The following CLVS1 variants were observed in gnomAD, a reference collection of about 807,000 sequenced individuals.
CLVS1 encodes clavesin-1.
CLVS1 carries 10 observed loss-of-function variants against 33.1 expected under a neutral mutation model. The observed-to-expected ratio is 0.30, with a 90% confidence interval of 0.19 to 0.51. The LOEUF (loss-of-function observed/expected upper bound fraction) is 0.51, where lower values mean the gene tolerates loss of function less well. Among genes scored for constraint, CLVS1 ranks in the 20% least tolerant of loss-of-function variants. The pLI is 0.97. For missense variants in CLVS1, 343 were observed against 433.4 expected, an observed-to-expected ratio of 0.79 and a Z score of 1.85; for synonymous variants, 163 against 166.1, an observed-to-expected ratio of 0.98 and a Z score of 0.14.
At chr8:61,025,919 T>C in the CLVS1 span, among the ~76,000 whole-genome samples, 1 of 152,206 alleles carries the variant, frequency 6.6e-6, no homozygotes, top group African/African-American at 2.4e-5. Context: ...TTAATCTGTT[T>C]GTCTTACTTG....
At chr8:60,980,167 G>A in the CLVS1 span, among the ~76,000 whole-genome samples, 21 of 152,306 alleles carry the variant, frequency 1.4e-4, no homozygotes, top group Admixed American at 3.9e-4. Context: ...TTTGCAAAGC[G>A]TGTATTTTAT....
the CLVS1 span, among the ~76,000 whole-genome samples, chr8:61,046,631 T>C: frequency 2.0e-5 from 3 of 151,782 alleles, no homozygotes; most frequent in Non-Finnish European, 2.9e-5. Context: ...GCATGGAATG[T>C]TCTTCCATTT....
chr8:61,263,883 C>G (rs1809254916), intron 2 of CLVS1, among the ~76,000 whole-genome samples: 1 of 152,192 alleles, frequency 6.6e-6, no homozygotes, highest in Non-Finnish European at 1.5e-5. Context: ...ATTTAGTAAA[C>G]TGCAACGTGT....
At chr8:61,005,058 C>A in the CLVS1 span, among the ~76,000 whole-genome samples, 1 of 152,198 alleles carries the variant, frequency 6.6e-6, no homozygotes, top group African/African-American at 2.4e-5. Flanking sequence ...TCTGCTGAGT[C>A]CAGAAGCTGG....
the CLVS1 span, chr8:60,966,109 G>A: frequency 7.5e-6 from 2 of 267,540 alleles, no homozygotes; most frequent in African/African-American, 2.2e-5. Context: ...ACTGCGCCTG[G>A]CCCCAGTGTT....
rs550429357 is a variant in CLVS1 at position 61,127,664 on chromosome 8, A to G, written c.-242-4106A>G. The stretch of plus-strand genomic sequence containing the variant: ...ACAGATATTTGGTAACACACTGAGT[A>G]TTTTGAGCTGAATTGATTAACTGAT... On this transcript the variant is annotated intron_variant, in intron 1 of 2. Coordinates refer to the CLVS1 transcript ENST00000522621. Among the ~76,000 whole-genome samples, 49 of 152,356 alleles carry G rather than the reference A, an allele frequency of 3.2e-4. No homozygotes were observed. The South Asian group carries it at 8.1e-3, about 25-fold the overall frequency.
At chr8:61,154,474 A>G (rs115957209) in intron 2 of CLVS1, among the ~76,000 whole-genome samples, 4,002 of 152,284 alleles carry the variant, frequency 0.026, 165 homozygotes, top group African/African-American at 0.09. Context: ...GTGGGAAGAA[A>G]AAAATGTTCT....
At chr8:61,202,796 G>A (rs2129305376) in intron 2 of CLVS1, 1 of 1,420,618 alleles carries the variant, frequency 7.0e-7, no homozygotes. Flanking sequence ...GGAGGTAGTA[G>A]CAAGCTTCCA....
chr8:61,454,397 A>T, intron 4 of CLVS1, 146 bp downstream of exon 4: 1 of 665,616 alleles, frequency 1.5e-6, no homozygotes, highest in Non-Finnish European at 2.7e-6. Flanking sequence ...CTAAGCATTT[A>T]AGCCTCAGCT....
intron 2 of CLVS1, among the ~76,000 whole-genome samples, chr8:61,304,544 A>C (rs1193346258): frequency 6.6e-6 from 1 of 152,202 alleles, no homozygotes. Context: ...CCAGCTCCCC[A>C]GCTTGGTATG....
intron 5 of CLVS1, among the ~76,000 whole-genome samples, chr8:61,469,119 T>C (rs1158960309): frequency 6.6e-6 from 1 of 152,172 alleles, no homozygotes. Flanking sequence ...TCAACAAATA[T>C]TTACTGAGCA....
chr8:61,026,802 A>G, the CLVS1 span, among the ~76,000 whole-genome samples: 1 of 152,214 alleles, frequency 6.6e-6, no homozygotes, highest in Admixed American at 6.5e-5. Flanking sequence ...ACTCCTTAAC[A>G]TGATTTGGAA....
chr8:61,263,298 A>T (rs978039131), intron 2 of CLVS1, among the ~76,000 whole-genome samples: 31 of 152,246 alleles, frequency 2.0e-4, no homozygotes, highest in Admixed American at 2.0e-3. Context: ...TAAATTATCA[A>T]TTATTTGTAA....
At chr8:61,427,701 G>A (rs1045673686) in intron 3 of CLVS1, among the ~76,000 whole-genome samples, 10 of 152,216 alleles carry the variant, frequency 6.6e-5, no homozygotes, top group Admixed American at 2.0e-4. Flanking sequence ...GCTCAGAGAG[G>A]TTAAGTTATT....
intron 1 of CLVS1, among the ~76,000 whole-genome samples, chr8:61,079,135 G>A (rs977015917): frequency 3.3e-5 from 5 of 152,066 alleles, no homozygotes; most frequent in Non-Finnish European, 7.4e-5. Flanking sequence ...AAAGAGTAGT[G>A]GTGTTTGAGA....
At chr8:61,143,936 T>G (rs1285031345) in intron 2 of CLVS1, among the ~76,000 whole-genome samples, 1 of 150,250 alleles carries the variant, frequency 6.7e-6, no homozygotes, top group Non-Finnish European at 1.5e-5. Context: ...ATGAAACATC[T>G]TATTGAAGGA....
intron 3 of CLVS1, among the ~76,000 whole-genome samples, chr8:61,427,200 T>C (rs146348267): frequency 6.6e-6 from 1 of 152,272 alleles, no homozygotes; most frequent in Non-Finnish European, 1.5e-5. Context: ...AAATAAATCA[T>C]CTTTGTCCTC....
intron 3 of CLVS1, chr8:61,391,298 A>T (rs777936987): frequency 6.6e-6 from 1 of 152,224 alleles, no homozygotes; most frequent in African/African-American, 2.4e-5. Context: ...GCAACTATTT[A>T]TTCAACTTAC....
At chr8:61,490,466 AGACCATCCT>A (rs1804033643) in intron 5 of CLVS1, among the ~76,000 whole-genome samples, 1 of 151,394 alleles carries the variant, frequency 6.6e-6, no homozygotes, top group African/African-American at 2.4e-5. Flanking sequence ...CAAGAGATTG[AGACCATCCT>A]GGCCAACACG....
Sources: gnomAD v4.1 joint callset for allele counts (sites outside exome capture counted in the v4.1 genomes callset) on GRCh38, gnomAD v4.1.1 for gene constraint, MANE v1.5 for transcripts, NCBI Gene and HGNC (gene_info 2026-07-23, HGNC 2026-07-21) for gene names.